The following ABCB4 variants were observed in gnomAD, a reference collection of about 807,000 sequenced individuals.
The protein encoded by ABCB4 is phosphatidylcholine translocator ABCB4.
A neutral mutation model predicts 145.7 loss-of-function variants in ABCB4; 76 were observed. The observed-to-expected ratio is 0.52, with a 90% CI of 0.43 to 0.63. The LOEUF (loss-of-function observed/expected upper bound fraction) is 0.63, where lower values mean the gene tolerates loss of function less well. Ranked by LOEUF, ABCB4 falls within the 30% of genes least tolerant of loss-of-function variation. The probability of loss-of-function intolerance (pLI) is 0.00; values close to 1 mark genes in which losing one functional copy is unlikely to be tolerated. For synonymous variants in ABCB4, 517 were observed against 566.8 expected (o/e 0.91, Z 1.25); for missense variants, 1,234 against 1,553.1 (o/e 0.79, Z 3.45).
At chr7:87,460,276 T>G (rs536025530) in intron 4 of ABCB4, among the ~76,000 whole-genome samples, 6 of 152,324 alleles carry the variant, frequency 3.9e-5, no homozygotes, top group Non-Finnish European at 8.8e-5. Flanking sequence ...CTTTTTTCTT[T>G]TCTTTTTAAA....
At chr7:87,366,350 T>C in the ABCB4 span, among the ~76,000 whole-genome samples, 148 of 152,078 alleles carry the variant, frequency 9.7e-4, 1 homozygote, top group African/African-American at 3.4e-3. Context: ...AATTTTAGCC[T>C]TTTTGGGGAA....
the ABCB4 span, chr7:87,392,693 ATTT>A: frequency 3.2e-5 from 52 of 1,610,708 alleles, no homozygotes; most frequent in Admixed American, 8.4e-5. Flanking sequence ...ATGGTGAAAA[ATTT>A]TTTTCTAACC....
intron 19 of ABCB4, among the ~76,000 whole-genome samples, chr7:87,419,752 A>G (rs139648825): frequency 1.0e-3 from 158 of 151,762 alleles, no homozygotes; most frequent in African/African-American, 3.7e-3. Context: ...TATTTACAGA[A>G]TAAGCCAAAG....
At chr7:87,426,623 C>A in intron 16 of ABCB4, 127 bp downstream of exon 16, 2 of 919,030 alleles carry the variant, frequency 2.2e-6, no homozygotes, top group African/African-American at 1.7e-5. Context: ...AAATTTTTTT[C>A]TTTACAAAGA....
In ABCB4 at chr7:87,431,611, A is replaced by C. The variant is rs373231085; in HGVS notation, c.1732-46T>G. 2.2e-4 allele frequency: 353 copies of C among 1,608,808 alleles called. 2 individuals are homozygous for C. Among genetic ancestry groups the C allele is most frequent in the Admixed American group, 4.7e-4 (28 of 59,990 alleles). ...TGCATCAGGGTTACAGTATTGGCAC[A>C]CTGTCAATTAACATGCACAGTTAAG... On this transcript the variant is annotated intron_variant, in intron 14 of 27. Transcript: ENST00000649586.
Position 87,440,411 on chromosome 7 carries a change from A to G in ABCB4, c.1357-9T>C. 1 of 1,611,304 alleles carries G rather than the reference A, an allele frequency of 6.2e-7. No homozygotes were observed. Among genetic ancestry groups the G allele is most frequent in the South Asian group, 1.1e-5 (1 of 91,002 alleles). On this transcript the variant is annotated splice_polypyrimidine_tract_variant and intron_variant, in intron 12 of 27. Coordinates refer to ENST00000649586, the MANE Select transcript of ABCB4 (RefSeq NM_000443.4). The stretch of plus-strand genomic sequence containing the variant: ...TGCCCATCAATGTTAATCTGAAAGA[A>G]AGAAATATTTCCTATTAAGTATTTA...
At chr7:87,401,609 T>G (rs1382046145), downstream of ABCB4, 4 of 217,340 alleles carry the variant, frequency 1.8e-5, no homozygotes, top group Non-Finnish European at 3.7e-5. Context: ...TCATTTTCTC[T>G]TGATGTTGGA....
At chr7:87,450,776 A>G (rs1811666766) in intron 7 of ABCB4, among the ~76,000 whole-genome samples, 1 of 152,180 alleles carries the variant, frequency 6.6e-6, no homozygotes, top group Non-Finnish European at 1.5e-5. Flanking sequence ...AGACCTCCTC[A>G]TGGGCATTCT....
intron 7 of ABCB4, 121 bp from the exon 8 acceptor site, chr7:87,450,213 T>C (rs1201907716): frequency 2.2e-6 from 3 of 1,346,566 alleles, no homozygotes; most frequent in Non-Finnish European, 2.1e-6. Flanking sequence ...ATTAAAGTCA[T>C]GTAGCAAATG....
At chr7:87,413,857 C>T (rs1392429012) in intron 21 of ABCB4, 140 bp from the exon 22 acceptor site, 1 of 684,550 alleles carries the variant, frequency 1.5e-6, no homozygotes. Flanking sequence ...AAACCAAAGG[C>T]ATAATCTGTT....
rs192465878 is a variant in ABCB4 at position 87,473,166 on chromosome 7, T to G, written c.81-491A>C. The stretch of plus-strand genomic sequence containing the variant: ...TCTCTCCACTTCCACCTATGCCGCT[T>G]CAGTCTATCTTCAACTAGCAGTCAG... On this transcript the variant is annotated intron_variant, in intron 2 of 27. Transcript: ENST00000649586. Among the ~76,000 whole-genome samples, 17 of 152,344 alleles carry G rather than the reference T, an allele frequency of 1.1e-4. No individual in the cohort carries two copies. In the East Asian group the frequency reaches 3.3e-3, roughly 29 times the overall value.
chr7:87,452,823 G>A (rs1006583038), intron 6 of ABCB4, 121 bp downstream of exon 6: 16 of 1,164,950 alleles, frequency 1.4e-5, no homozygotes, highest in South Asian at 6.6e-5. Context: ...CCAGATGATC[G>A]ATTTCTAATA....
intron 2 of ABCB4, 22 bp downstream of exon 2, chr7:87,475,364 C>T (rs1437526916): frequency 6.2e-7 from 1 of 1,613,918 alleles, no homozygotes; most frequent in Non-Finnish European, 8.5e-7. Flanking sequence ...AACGGAAAAG[C>T]CAGTGGCTGC....
the ABCB4 span, among the ~76,000 whole-genome samples, chr7:87,378,340 C>T: frequency 0.87 from 124,590 of 142,634 alleles, 54,592 homozygotes; most frequent in Middle Eastern, 0.93. Context: ...ACTGAGACTC[C>T]GACTCCAAAA....
intron 10 of ABCB4, among the ~76,000 whole-genome samples, chr7:87,444,064 G>T (rs908688605): frequency 9.2e-5 from 14 of 152,106 alleles, no homozygotes; most frequent in African/African-American, 3.1e-4. Flanking sequence ...TAAATGGTCA[G>T]ATATGCATAT....
At chr7:87,441,328 G>A (rs1429096969) in intron 12 of ABCB4, among the ~76,000 whole-genome samples, 3 of 151,958 alleles carry the variant, frequency 2.0e-5, no homozygotes, top group Non-Finnish European at 1.5e-5. Context: ...ACTAGCACTG[G>A]GTTTTATCAT....
rs780856994 is a variant in ABCB4, at chr7:87,411,973, C to G, written c.2844G>C (p.Met948Ile). 3 of 1,613,900 alleles carry G rather than the reference C, an allele frequency of 1.9e-6. No homozygotes were observed. Among genetic ancestry groups the G allele is most frequent in the African/African-American group, 2.7e-5 (2 of 75,052 alleles). The change falls in exon 23 of 28, where the codon ATG becomes ATC. Residue 948 changes from methionine (M) to isoleucine (I), a missense_variant. Physicochemically the swap from Met to Ile is conservative, Grantham distance 10 (BLOSUM62 1). This residue lies in a region of ABCB4 where 301 missense variants were observed against 389.0 expected (regional missense o/e 0.77). Transcript: ENST00000649586. ...GITFSISQAFMYFSYAGCFRF... is the reference protein window; with the variant it reads ...GITFSISQAFIYFSYAGCFRF... ...GAAAACAACCGGCATAGGAAAAATACATAAATGCTTGTGAGATACTAAAAG... is the reference window on the plus strand; with the variant it reads ...GAAAACAACCGGCATAGGAAAAATAGATAAATGCTTGTGAGATACTAAAAG...
downstream of ABCB4, among the ~76,000 whole-genome samples, chr7:87,401,140 T>C (rs112913487): frequency 5.9e-5 from 9 of 152,352 alleles, 1 homozygote; most frequent in African/African-American, 1.9e-4. Flanking sequence ...AATCTGAAAC[T>C]TGATCCACTC....
In ABCB4 at chr7:87,456,107, A is replaced by C. The variant is rs193013199; in HGVS notation, c.287-1515T>G. Among the ~76,000 whole-genome samples, 135 of 152,306 alleles carry C rather than the reference A, an allele frequency of 8.9e-4. 1 individual carries two copies. The highest frequency in any genetic ancestry group is 1.4e-3 in the Non-Finnish European group (96 of 68,028). ...CATCCTGAAGTTTTAAATAGGGCAA[A>C]TTGGAAGAGTATTTGGAACTAGAGG... On this transcript the variant is annotated intron_variant, in intron 4 of 27. Transcript: ENST00000649586.
Sources: gnomAD v4.1 joint callset for allele counts (sites outside exome capture counted in the v4.1 genomes callset) on GRCh38, gnomAD v4.1.1 for gene constraint, gnomAD v4.1.1 regional missense constraint, MANE v1.5 for transcripts, NCBI Gene and HGNC (gene_info 2026-07-23, HGNC 2026-07-21) for gene names.